JAKMIP2: variants seen among roughly 807,000 people sequenced by gnomAD.
The protein encoded by JAKMIP2 is janus kinase and microtubule-interacting protein 2.
In JAKMIP2, 25 loss-of-function variants were observed where a neutral mutation model predicts 115.0. That is an observed-to-expected ratio of 0.22 (90% CI 0.16 to 0.30). The LOEUF is 0.30. JAKMIP2 is among the 10% of genes least tolerant of loss of function. The pLI is 1.00. For synonymous variants in JAKMIP2, 334 were observed against 343.6 expected, an observed-to-expected ratio of 0.97 and a Z score of 0.31; for missense variants, 642 against 957.6, an observed-to-expected ratio of 0.67 and a Z score of 4.35.
At chr5:147,742,157 T>TATATATA (rs1561571114) in intron 1 of JAKMIP2, among the ~76,000 whole-genome samples, 1 of 84,976 alleles carries the variant, frequency 1.2e-5, no homozygotes, top group African/African-American at 6.6e-5. Flanking sequence ...ATATATATAT[T>TATATATA]TTTTTTACTA....
At chr5:147,721,839 G>A (rs994766576) in intron 1 of JAKMIP2, among the ~76,000 whole-genome samples, 17 of 152,118 alleles carry the variant, frequency 1.1e-4, no homozygotes, top group African/African-American at 3.4e-4. Context: ...GCTGTAGACC[G>A]GAGCCGTTCC....
chr5:147,705,708 A>G (rs1019249679), intron 1 of JAKMIP2, among the ~76,000 whole-genome samples: 1 of 152,352 alleles, frequency 6.6e-6, no homozygotes, highest in East Asian at 1.9e-4. Context: ...TTCTATCCAC[A>G]GGATAAAGTG....
intron 1 of JAKMIP2, among the ~76,000 whole-genome samples, chr5:147,739,262 G>A (rs13175320): frequency 6.6e-6 from 1 of 152,116 alleles, no homozygotes; most frequent in Non-Finnish European, 1.5e-5. Flanking sequence ...GGGTGGAGGC[G>A]AGGTGCTGCG....
At chr5:147,632,122 A>G (rs930080893) in intron 13 of JAKMIP2, among the ~76,000 whole-genome samples, 1 of 152,236 alleles carries the variant, frequency 6.6e-6, no homozygotes, top group African/African-American at 2.4e-5. Context: ...TGCAAAATAA[A>G]AAACAAACAC....
chr5:147,669,257 T>A (rs1041342190), intron 2 of JAKMIP2, among the ~76,000 whole-genome samples: 1 of 152,174 alleles, frequency 6.6e-6, no homozygotes, highest in African/African-American at 2.4e-5. Context: ...TGACAGGCAA[T>A]GAGACTTCCC....
chr5:147,715,950 C>T (rs1276119943), intron 1 of JAKMIP2, among the ~76,000 whole-genome samples: 3 of 141,436 alleles, frequency 2.1e-5, no homozygotes, highest in Admixed American at 7.1e-5. Flanking sequence ...CCCACTAACT[C>T]GTCATCTAGC....
At chr5:147,725,957 G>A (rs1050758262) in intron 1 of JAKMIP2, among the ~76,000 whole-genome samples, 4 of 152,150 alleles carry the variant, frequency 2.6e-5, no homozygotes, top group Non-Finnish European at 5.9e-5. Flanking sequence ...GGACAGTAGT[G>A]AAGATTCCTT....
intron 20 of JAKMIP2, among the ~76,000 whole-genome samples, chr5:147,608,109 T>A (rs572857373): frequency 6.6e-6 from 1 of 152,154 alleles, no homozygotes. Flanking sequence ...TTTTGTTGAT[T>A]TTTTCAAAAA....
In JAKMIP2 at chr5:147,601,749, G is replaced by A. The variant is rs1022271717; in HGVS notation, c.*12C>T. ...ATTAAATGGAATCTTACCTTTAAGAGGCACCTTGACATCAAGGCCATAGAA... is the reference window on the plus strand; with the variant it reads ...ATTAAATGGAATCTTACCTTTAAGAAGCACCTTGACATCAAGGCCATAGAA... On this transcript the variant is annotated 3_prime_UTR_variant, in exon 21 of 22. Coordinates refer to ENST00000616793, the MANE Select transcript of JAKMIP2 (RefSeq NM_001270941.2). The A allele has an allele frequency of 5.2e-5, 79 of 1,523,254 alleles. No individual in the cohort carries two copies. Among genetic ancestry groups the A allele is most frequent in the Middle Eastern group, 1.7e-4 (1 of 5,874 alleles). The allele number at this position is 1,523,254 out of a possible 1,614,324, so 94.4% of individuals were successfully genotyped here. A position where few individuals can be genotyped will look rare whatever the true frequency, so the allele number is the denominator to read the frequency against.
At chr5:147,702,644 GAAAGAA>G (rs1752405784) in intron 1 of JAKMIP2, among the ~76,000 whole-genome samples, 1 of 123,480 alleles carries the variant, frequency 8.1e-6, no homozygotes, top group Non-Finnish European at 1.6e-5. Flanking sequence ...AAGAAAGAAA[GAAAGAA>G]AGAAAGAAAG....
At chr5:147,684,673 G>A (rs1028074795) in intron 1 of JAKMIP2, among the ~76,000 whole-genome samples, 2 of 152,108 alleles carry the variant, frequency 1.3e-5, no homozygotes, top group Non-Finnish European at 1.5e-5. Context: ...TGCCTGCCTA[G>A]GTAGTGAATT....
At chr5:147,688,999 G>C (rs965767472) in intron 1 of JAKMIP2, among the ~76,000 whole-genome samples, 3 of 152,178 alleles carry the variant, frequency 2.0e-5, no homozygotes, top group African/African-American at 7.2e-5. Context: ...AAATAATACA[G>C]AACAGAGGTC....
intron 1 of JAKMIP2, among the ~76,000 whole-genome samples, chr5:147,756,633 C>T (rs1347977640): frequency 1.3e-5 from 2 of 152,110 alleles, no homozygotes; most frequent in Non-Finnish European, 2.9e-5. Context: ...GGAGAACAAA[C>T]ACTGAGAGAA....
chr5:147,758,679 C>A (rs1253868195), intron 1 of JAKMIP2, among the ~76,000 whole-genome samples: 1 of 152,130 alleles, frequency 6.6e-6, no homozygotes, highest in South Asian at 2.1e-4. Context: ...AACTCCTGGG[C>A]TCCAGGGAAC....
chr5:147,726,785 T>A (rs1753536683), intron 1 of JAKMIP2, among the ~76,000 whole-genome samples: 1 of 152,238 alleles, frequency 6.6e-6, no homozygotes, highest in Admixed American at 6.5e-5. Flanking sequence ...TTTATGTCCT[T>A]GGAAGCTTGA....
intron 20 of JAKMIP2, 81 bp downstream of exon 20, chr5:147,612,225 A>C: frequency 1.0e-6 from 1 of 952,620 alleles, no homozygotes; most frequent in East Asian, 2.4e-5. Context: ...CTGAGAAGCC[A>C]GGAAGAAAAT....
At chr5:147,595,311 G>T (rs770121533) in intron 21 of JAKMIP2, 20 of 350,000 alleles carry the variant, frequency 5.7e-5, no homozygotes, top group Non-Finnish European at 1.1e-4. Context: ...AGGCTTTTAG[G>T]AGGTTATTAG....
intron 2 of JAKMIP2, among the ~76,000 whole-genome samples, chr5:147,670,843 A>G (rs950408545): frequency 5.3e-5 from 8 of 152,184 alleles, no homozygotes; most frequent in African/African-American, 1.9e-4. Flanking sequence ...TAAGTTCTGG[A>G]TATTATTTAG....
At chr5:147,693,467 C>G (rs1197268600) in intron 1 of JAKMIP2, among the ~76,000 whole-genome samples, 1 of 152,152 alleles carries the variant, frequency 6.6e-6, no homozygotes, top group African/African-American at 2.4e-5. Flanking sequence ...CAGAACTACA[C>G]ATTGCAAATC....
Sources: allele counts gnomAD v4.1 joint callset (sites outside exome capture counted in the v4.1 genomes callset), GRCh38; gene constraint gnomAD v4.1.1; transcripts MANE v1.5; gene names NCBI Gene and HGNC (gene_info 2026-07-23, HGNC 2026-07-21).